TESC: variants seen among roughly 807,000 people sequenced by gnomAD.
The protein encoded by TESC is calcineurin B homologous protein 3.
TESC carries 19 observed loss-of-function variants against 31.0 expected under a neutral mutation model. The ratio of observed to expected loss-of-function variants is 0.61; its 90% CI spans 0.43 to 0.90. TESC has a LOEUF of 0.90. Among genes scored for constraint, TESC ranks in the 40% least tolerant of loss-of-function variants. The pLI is 0.00. For synonymous variants in TESC, 109 were observed against 114.8 expected, an observed-to-expected ratio of 0.95 and a Z score of 0.32; for missense variants, 248 against 303.8, an observed-to-expected ratio of 0.82 and a Z score of 1.36.
intron 1 of TESC, among the ~76,000 whole-genome samples, chr12:117,089,336 A>T (rs970283861): frequency 6.6e-6 from 1 of 152,218 alleles, no homozygotes; most frequent in Non-Finnish European, 1.5e-5. Flanking sequence ...GGCACACAGG[A>T]ATCCTGTGGG....
intron 2 of TESC, among the ~76,000 whole-genome samples, chr12:117,065,833 G>T (rs1290028215): frequency 1.3e-5 from 2 of 152,190 alleles, no homozygotes; most frequent in Non-Finnish European, 2.9e-5. Context: ...AGTGAGCTGA[G>T]ATCGAACCAC....
intron 1 of TESC, chr12:117,084,202 T>C (rs1457954951): frequency 6.6e-6 from 1 of 151,946 alleles, no homozygotes; most frequent in Admixed American, 6.6e-5. Flanking sequence ...TCATCAGCTG[T>C]GAATTAGGTG....
intron 7 of TESC, among the ~76,000 whole-genome samples, chr12:117,040,798 G>A (rs942714326): frequency 5.3e-5 from 8 of 152,142 alleles, no homozygotes; most frequent in Non-Finnish European, 1.0e-4. Flanking sequence ...CTCTCCTGCC[G>A]GTTCTAACCG....
intron 1 of TESC, among the ~76,000 whole-genome samples, chr12:117,086,551 G>C (rs1955222196): frequency 6.6e-6 from 1 of 152,058 alleles, no homozygotes; most frequent in African/African-American, 2.4e-5. Context: ...CCCTGCCTCA[G>C]CCTCCCGAGT....
chr12:117,099,343 T>G lies in TESC; in HGVS notation c.-61A>C. On this transcript the variant is annotated 5_prime_UTR_variant, in exon 1 of 8. Coordinates refer to ENST00000335209, the MANE Select transcript of TESC (RefSeq NM_017899.4). ...TCTCAGGCCCCGCACTGGCTTCGGC[T>G]GCGCAGCGGCGGGACTGGCCTCGGG... 1.5e-6 allele frequency: 2 copies of G among 1,347,846 alleles called. No homozygotes were observed. Among genetic ancestry groups the G allele is most frequent in the Non-Finnish European group, 1.9e-6 (2 of 1,050,898 alleles). 83.5% of individuals were successfully genotyped at this position (1,347,846 alleles called of 1,614,324 possible). A position where few individuals can be genotyped will look rare whatever the true frequency, so the allele number is the denominator to read the frequency against.
intron 1 of TESC, among the ~76,000 whole-genome samples, chr12:117,092,946 A>G (rs753237221): frequency 6.6e-6 from 1 of 152,216 alleles, no homozygotes; most frequent in Non-Finnish European, 1.5e-5. Context: ...ACAATTCCAC[A>G]TCCTATTTCA....
intron 1 of TESC, among the ~76,000 whole-genome samples, chr12:117,085,192 G>T (rs1955202769): frequency 6.6e-6 from 1 of 152,174 alleles, no homozygotes; most frequent in South Asian, 2.1e-4. Context: ...ACAGGGCTCA[G>T]GGAGCCTCGG....
chr12:117,071,568 G>T (rs1319606728), intron 2 of TESC, among the ~76,000 whole-genome samples: 1 of 152,184 alleles, frequency 6.6e-6, no homozygotes, highest in Non-Finnish European at 1.5e-5. Context: ...GATGGCACTG[G>T]GTAGCCATCA....
At chr12:117,042,922 C>T (rs1425743291) in intron 6 of TESC, among the ~76,000 whole-genome samples, 1 of 152,138 alleles carries the variant, frequency 6.6e-6, no homozygotes, top group East Asian at 1.9e-4. Context: ...TCCTACTGGT[C>T]AAGGTCATCG....
chr12:117,050,797 C>T (rs947360943), intron 3 of TESC, among the ~76,000 whole-genome samples: 5 of 152,140 alleles, frequency 3.3e-5, no homozygotes, highest in Admixed American at 2.0e-4. Context: ...CGGTGGTGTG[C>T]ACCTGTAGTC....
chr12:117,085,900 C>T (rs1396932108), intron 1 of TESC, among the ~76,000 whole-genome samples: 1 of 152,210 alleles, frequency 6.6e-6, no homozygotes, highest in Admixed American at 6.5e-5. Context: ...TCACAACCAC[C>T]AACATGGCAA....
chr12:117,099,155 C>T, intron 1 of TESC, 70 bp downstream of exon 1: 1 of 1,421,618 alleles, frequency 7.0e-7, no homozygotes, highest in Non-Finnish European at 9.2e-7. Context: ...CGGCGGCGGG[C>T]CGGGGTCCCC....
chr12:117,070,055 A>G (rs1210607468), intron 2 of TESC, among the ~76,000 whole-genome samples: 3 of 152,186 alleles, frequency 2.0e-5, no homozygotes, highest in African/African-American at 7.2e-5. Flanking sequence ...CGCCATTTTC[A>G]TGTGGGGGAA....
intron 6 of TESC, among the ~76,000 whole-genome samples, chr12:117,046,040 A>AG (rs200020867): frequency 6.6e-6 from 1 of 152,204 alleles, no homozygotes; most frequent in Non-Finnish European, 1.5e-5. Flanking sequence ...GAACATGGAA[A>AG]GGCCACTTCC....
chr12:117,043,148 T>C (rs1431545314), intron 6 of TESC, among the ~76,000 whole-genome samples: 1 of 151,892 alleles, frequency 6.6e-6, no homozygotes, highest in Non-Finnish European at 1.5e-5. Flanking sequence ...CCATCTGCCC[T>C]GTGGGTGTGT....
At chr12:117,059,544 T>C (rs895178781) in intron 2 of TESC, among the ~76,000 whole-genome samples, 2 of 152,206 alleles carry the variant, frequency 1.3e-5, no homozygotes, top group African/African-American at 4.8e-5. Flanking sequence ...TTTTTGGCCA[T>C]AAAAAGGAAC....
intron 2 of TESC, among the ~76,000 whole-genome samples, chr12:117,074,627 C>T (rs1241563301): frequency 6.6e-6 from 1 of 152,178 alleles, no homozygotes; most frequent in Non-Finnish European, 1.5e-5. Flanking sequence ...ACAACTGATA[C>T]ATCTTTGTGT....
At chr12:117,077,939 T>C (rs1955095960) in intron 1 of TESC, among the ~76,000 whole-genome samples, 1 of 152,044 alleles carries the variant, frequency 6.6e-6, no homozygotes, top group Non-Finnish European at 1.5e-5. Context: ...ATATGCACTA[T>C]ATCACGACAA....
intron 2 of TESC, among the ~76,000 whole-genome samples, 182 bp from the exon 3 acceptor site, chr12:117,057,068 A>G (rs1954736744): frequency 6.6e-6 from 1 of 152,134 alleles, no homozygotes; most frequent in Non-Finnish European, 1.5e-5. Context: ...TCTAACCTTT[A>G]GACTGGGCAA....
Sources: gnomAD v4.1 joint callset for allele counts (sites outside exome capture counted in the v4.1 genomes callset) on GRCh38, gnomAD v4.1.1 for gene constraint, MANE v1.5 for transcripts, NCBI Gene and HGNC (gene_info 2026-07-23, HGNC 2026-07-21) for gene names.